Variants in MACROD2 observed in about 807,000 individuals in gnomAD.
MACROD2 encodes mono-ADP ribosylhydrolase 2, also known as ADP-ribose glycohydrolase MACROD2.
Under a neutral mutation model 70.4 loss-of-function variants are expected in MACROD2, and 36 were observed. That is an observed-to-expected ratio of 0.51 (90% CI 0.39 to 0.68). The LOEUF (loss-of-function observed/expected upper bound fraction) is 0.68, where lower values mean the gene tolerates loss of function less well. Among genes scored for constraint, MACROD2 ranks in the 30% least tolerant of loss-of-function variants. MACROD2 has a pLI of 0.00. For missense variants in MACROD2, 496 were observed against 538.4 expected (o/e 0.92, Z 0.78); for synonymous variants, 172 against 178.8 (o/e 0.96, Z 0.30).
At chr20:15,389,621 G>A (rs1301534683) in intron 6 of MACROD2, among the ~76,000 whole-genome samples, 2 of 152,180 alleles carry the variant, frequency 1.3e-5, no homozygotes, top group Non-Finnish European at 2.9e-5. Context: ...TTAAGATAAA[G>A]GCTGTAAAAT....
intron 8 of MACROD2, among the ~76,000 whole-genome samples, chr20:15,578,467 G>T (rs2146641232): frequency 6.8e-6 from 1 of 147,050 alleles, no homozygotes; most frequent in Non-Finnish European, 1.5e-5. Flanking sequence ...ATGCAGTTAT[G>T]GGGCCTTGCA....
chr20:14,805,038 G>A (rs572719632), intron 5 of MACROD2, among the ~76,000 whole-genome samples: 24 of 152,124 alleles, frequency 1.6e-4, no homozygotes, highest in African/African-American at 5.3e-4. Flanking sequence ...CTTTATGTGA[G>A]CTTCAGTGGG....
chr20:14,133,167 G>C (rs1486162400), intron 3 of MACROD2, among the ~76,000 whole-genome samples: 2 of 152,158 alleles, frequency 1.3e-5, no homozygotes, highest in East Asian at 3.8e-4. Context: ...CCTGAATAAT[G>C]TTTGCCCAAA....
intron 5 of MACROD2, among the ~76,000 whole-genome samples, chr20:14,986,056 C>G (rs2074846093): frequency 6.6e-6 from 1 of 152,136 alleles, no homozygotes. Context: ...TTTACCTTGA[C>G]AAGGAAGTTG....
At position 15,621,775 on chromosome 20, in the gene MACROD2, AT is replaced by A. The variant is rs755011220; in HGVS notation, c.645+121929del. 6.6e-5 allele frequency among the ~76,000 whole-genome samples: 10 copies of A among 152,186 alleles called. No homozygotes were observed. In the East Asian group the frequency reaches 1.2e-3, roughly 18 times the overall value. Reference sequence around the variant, plus strand: ...TAAGTGAAAATGAGAGAATGAAATAATATTATCCAGGAGATTCACATACCCC... The same window carrying A: ...TAAGTGAAAATGAGAGAATGAAATAAATTATCCAGGAGATTCACATACCCC... On this transcript the variant is annotated intron_variant, in intron 8 of 17. Transcript: ENST00000684519.
At chr20:14,009,894 T>G (rs1348371611) in intron 2 of MACROD2, among the ~76,000 whole-genome samples, 1 of 152,186 alleles carries the variant, frequency 6.6e-6, no homozygotes, top group Non-Finnish European at 1.5e-5. Context: ...TACCACATGT[T>G]CTCACTTTTA....
intron 2 of MACROD2, among the ~76,000 whole-genome samples, chr20:14,054,116 T>C (rs1427522228): frequency 2.6e-5 from 4 of 151,778 alleles, no homozygotes; most frequent in Admixed American, 6.6e-5. Flanking sequence ...CTTATTGTAA[T>C]TGGTTGTTTA....
At chr20:15,518,001 A>G (rs1456382147) in intron 8 of MACROD2, among the ~76,000 whole-genome samples, 2 of 152,256 alleles carry the variant, frequency 1.3e-5, no homozygotes, top group African/African-American at 4.8e-5. Flanking sequence ...AAAGTCTGGA[A>G]ATGAATAGAG....
intron 3 of MACROD2, among the ~76,000 whole-genome samples, chr20:14,407,514 A>G (rs571811964): frequency 3.6e-4 from 55 of 152,266 alleles, no homozygotes; most frequent in African/African-American, 1.3e-3. Context: ...CAACTTTGTC[A>G]TATTGTTCAA....
chr20:15,914,496 G>A (rs1048991323), intron 10 of MACROD2, among the ~76,000 whole-genome samples: 3 of 152,138 alleles, frequency 2.0e-5, no homozygotes, highest in Non-Finnish European at 2.9e-5. Flanking sequence ...TAAAAAGTGA[G>A]GCAAGTGTAG....
At chr20:14,560,308 T>TACAAAC (rs1555802414) in intron 4 of MACROD2, among the ~76,000 whole-genome samples, 4 of 147,350 alleles carry the variant, frequency 2.7e-5, no homozygotes, top group African/African-American at 7.5e-5. Flanking sequence ...GTACTTAATG[T>TACAAAC]ACACACACAC....
rs1274113572 is a variant in MACROD2 at position 16,038,977 on chromosome 20, G to A, written c.1154-2224G>A. Among the ~76,000 whole-genome samples, 3 of 151,816 alleles carry A rather than the reference G, an allele frequency of 2.0e-5. No homozygotes were observed. In the East Asian group the frequency reaches 5.8e-4, roughly 30 times the overall value. On this transcript the variant is annotated intron_variant, in intron 15 of 17. Coordinates refer to ENST00000684519, the MANE Select transcript of MACROD2 (RefSeq NM_001351661.2). The stretch of plus-strand genomic sequence containing the variant: ...TGTCCCCAGGATATAACCCTTCAGG[G>A]TACCCCACCAAAAACCTGAGGTAGT...
At chr20:14,530,606 A>G (rs1464747088) in intron 4 of MACROD2, among the ~76,000 whole-genome samples, 1 of 152,196 alleles carries the variant, frequency 6.6e-6, no homozygotes, top group African/African-American at 2.4e-5. Flanking sequence ...AGGCTTACTG[A>G]GAGCAGCTTA....
intron 3 of MACROD2, chr20:14,325,855 T>C: frequency 6.2e-7 from 1 of 1,613,904 alleles, no homozygotes; most frequent in Non-Finnish European, 8.5e-7. Flanking sequence ...CCTATGAACA[T>C]ACCAACACAC....
At chr20:14,301,580 A>C (rs1361368406) in intron 3 of MACROD2, among the ~76,000 whole-genome samples, 1 of 152,222 alleles carries the variant, frequency 6.6e-6, no homozygotes, top group Non-Finnish European at 1.5e-5. Flanking sequence ...GAACATACTG[A>C]AATGAATGGT....
intron 3 of MACROD2, among the ~76,000 whole-genome samples, chr20:14,257,532 A>G (rs376353683): frequency 6.6e-6 from 1 of 152,120 alleles, no homozygotes; most frequent in Non-Finnish European, 1.5e-5. Context: ...TTTTTTCACT[A>G]TAGATGAAAT....
intron 3 of MACROD2, among the ~76,000 whole-genome samples, chr20:14,350,411 A>C (rs1271159953): frequency 6.6e-6 from 1 of 151,910 alleles, no homozygotes; most frequent in Non-Finnish European, 1.5e-5. Flanking sequence ...TGTCTTTTGG[A>C]TAAAAGACAG....
chr20:14,303,139 C>T (rs540198733), intron 3 of MACROD2, among the ~76,000 whole-genome samples: 1 of 152,228 alleles, frequency 6.6e-6, no homozygotes, highest in Non-Finnish European at 1.5e-5. Context: ...TGAGAATGAA[C>T]TGAATTTCAC....
intron 4 of MACROD2, among the ~76,000 whole-genome samples, chr20:14,677,359 T>C (rs149823571): frequency 2.0e-5 from 3 of 152,314 alleles, no homozygotes; most frequent in African/African-American, 7.2e-5. Flanking sequence ...AACTGAAACT[T>C]ATCTTTCTAT....
Sources: allele counts gnomAD v4.1 joint callset (sites outside exome capture counted in the v4.1 genomes callset), GRCh38; gene constraint gnomAD v4.1.1; transcripts MANE v1.5; gene names NCBI Gene and HGNC (gene_info 2026-07-23, HGNC 2026-07-21).